ERCC6L: variants seen among roughly 807,000 people sequenced by gnomAD.
ERCC6L encodes the protein ERCC excision repair 6 like, spindle assembly checkpoint helicase.
A neutral mutation model predicts 20.1 loss-of-function variants in ERCC6L; 7 were observed. That is an observed-to-expected ratio of 0.35 (90% CI 0.20 to 0.65). The LOEUF (loss-of-function observed/expected upper bound fraction) is 0.65, where lower values mean the gene tolerates loss of function less well. ERCC6L is among the 30% of genes least tolerant of loss of function. ERCC6L has a pLI of 0.69. For synonymous variants in ERCC6L, 278 were observed against 331.3 expected, an observed-to-expected ratio of 0.84 and a Z score of 1.75; for missense variants, 592 against 892.4, an observed-to-expected ratio of 0.66 and a Z score of 4.29.
intron 1 of ERCC6L, among the ~76,000 whole-genome samples, chrX:72,213,757 C>T (rs183537953): frequency 1.8e-5 from 2 of 112,128 alleles, no homozygotes; most frequent in East Asian, 5.6e-4. Context: ...CTTCCATGAC[C>T]CACGGCTTCT....
chrX:72,222,527 A>C (rs1225294825), intron 1 of ERCC6L, among the ~76,000 whole-genome samples: 1 of 111,269 alleles, frequency 9.0e-6, no homozygotes. Flanking sequence ...CATGAACAAA[A>C]ATGCCCATAA....
At chrX:72,220,244 T>C (rs771791815) in intron 1 of ERCC6L, among the ~76,000 whole-genome samples, 2 of 110,981 alleles carry the variant, frequency 1.8e-5, no homozygotes, top group African/African-American at 6.5e-5. Context: ...GGACTAAAGA[T>C]AAAAAATGTA....
chrX:72,206,426 G>A lies in ERCC6L; in HGVS notation c.2341C>T (p.Pro781Ser), dbSNP rs373087197. 8.3e-7 allele frequency: 1 copy of A among 1,208,183 alleles called. No individual in the cohort carries two copies. Among genetic ancestry groups the A allele is most frequent in the African/African-American group, 1.8e-5 (1 of 56,967 alleles). The change falls in exon 2 of 2, where the codon CCC becomes TCC. Residue 781 changes from proline (P) to serine (S), a missense_variant. Pro to Ser is a moderately conservative substitution (Grantham distance 74, BLOSUM62 -1). This residue lies in a region of ERCC6L where 352 missense variants were observed against 402.6 expected (regional missense o/e 0.87). Coordinates refer to ENST00000334463, the MANE Select transcript of ERCC6L (RefSeq NM_017669.4). The stretch of plus-strand genomic sequence containing the variant: ...AGATCTTGTTTCTCACCCTCTTTGG[G>A]CAGATCATCAATGACTACACTTGCC... ...KMASVVIDDLPKEGEKQDLSS... is the reference protein window; with the variant it reads ...KMASVVIDDLSKEGEKQDLSS...
chrX:72,231,152 C>T (rs141813980), intron 1 of ERCC6L, among the ~76,000 whole-genome samples: 2,157 of 111,620 alleles, frequency 0.019, 26 homozygotes, highest in African/African-American at 0.053. Flanking sequence ...TTCATAGTAG[C>T]CAAGAAAAGG....
At chrX:72,229,308 T>C (rs1018792681) in intron 1 of ERCC6L, among the ~76,000 whole-genome samples, 1 of 111,826 alleles carries the variant, frequency 8.9e-6, no homozygotes, top group Non-Finnish European at 1.9e-5. Context: ...AAATGGAGCA[T>C]TTCCGCAACT....
At position 72,205,130 on chromosome X, in the gene ERCC6L, A is replaced by G; in HGVS notation, c.3637T>C (p.Cys1213Arg). The change falls in exon 2 of 2, where the codon TGT (cysteine) becomes CGT (arginine). Residue 1213 changes from cysteine to arginine, a missense_variant. Cys to Arg is a radical substitution (Grantham distance 180). This residue lies in a region of ERCC6L where 352 missense variants were observed against 402.6 expected (regional missense o/e 0.87). Transcript: ENST00000334463. ...LVKRGKELKECGKIQEALNCL... is the reference protein window; with the variant it reads ...LVKRGKELKERGKIQEALNCL... The stretch of plus-strand genomic sequence containing the variant: ...TTTAGGGCCTCCTGGATTTTTCCAC[A>G]CTCTTTTAGTTCTTTTCCACGCTTT... 2 of 1,210,914 alleles carry G rather than the reference A, an allele frequency of 1.7e-6. No individual in the cohort carries two copies. The highest frequency in any genetic ancestry group is 2.2e-6 in the Non-Finnish European group (2 of 895,236).
intron 1 of ERCC6L, among the ~76,000 whole-genome samples, chrX:72,209,146 T>C (rs2042838027): frequency 9.0e-6 from 1 of 111,459 alleles, no homozygotes; most frequent in Non-Finnish European, 1.9e-5. Context: ...ATAGATTCCT[T>C]CTGGTTTTCC....
At position 72,206,515 on chromosome X, in the gene ERCC6L, T is replaced by C; in HGVS notation, c.2252A>G (p.Gln751Arg). The change falls in exon 2 of 2, where the codon CAG becomes CGG. Residue 751 changes from glutamine (Q) to arginine (R), a missense_variant. Coordinates refer to ENST00000334463, the MANE Select transcript of ERCC6L (RefSeq NM_017669.4). ...ACTTAGAAGAGGTGAAGGCTGAGGCTGTGGTTTATTCAATTTAGGGCATTT... is the reference window on the plus strand; with the variant it reads ...ACTTAGAAGAGGTGAAGGCTGAGGCCGTGGTTTATTCAATTTAGGGCATTT... The part of the protein sequence containing the change: ...KKKCPKLNKP[Q>R]PQPSPLLSTH... 3 of 1,211,692 alleles carry C rather than the reference T, an allele frequency of 2.5e-6. No individual in the cohort carries two copies. The highest frequency in any genetic ancestry group is 3.3e-6 in the Non-Finnish European group (3 of 895,525).
chrX:72,215,671 T>G (rs2042883678), intron 1 of ERCC6L, among the ~76,000 whole-genome samples: 1 of 111,545 alleles, frequency 9.0e-6, no homozygotes, highest in African/African-American at 3.3e-5. Context: ...CATAACACGC[T>G]GCGATTTGGC....
rs4477150 is a variant in ERCC6L, at chrX:72,224,470, A to G, written c.68+14374T>C. Among the ~76,000 whole-genome samples, 819 of 111,419 alleles carry G rather than the reference A, an allele frequency of 7.4e-3. 9 individuals carry two copies. The highest frequency in any genetic ancestry group is 0.026 in the African/African-American group (783 of 30,624). ...TCCACATCAAATAGACTTAAAACCCAAATTCCTGGCTCACGCCTGTAATCA... is the reference window on the plus strand; with the variant it reads ...TCCACATCAAATAGACTTAAAACCCGAATTCCTGGCTCACGCCTGTAATCA... On this transcript the variant is annotated intron_variant, in intron 1 of 1. Coordinates refer to ENST00000334463, the MANE Select transcript of ERCC6L (RefSeq NM_017669.4).
intron 1 of ERCC6L, among the ~76,000 whole-genome samples, chrX:72,213,414 G>A (rs950562774): frequency 4.5e-5 from 5 of 111,644 alleles, no homozygotes; most frequent in Admixed American, 9.5e-5. Flanking sequence ...CATTCGAGCC[G>A]GGAGGGGCAA....
At position 72,206,795 on chromosome X, in the gene ERCC6L, C is replaced by T. The variant is rs771318389; in HGVS notation, c.1972G>A (p.Glu658Lys). 9.9e-6 allele frequency: 12 copies of T among 1,209,094 alleles called. No individual in the cohort carries two copies. Among genetic ancestry groups the T allele is most frequent in the African/African-American group, 3.5e-5 (2 of 57,190 alleles). The change falls in exon 2 of 2, where the codon GAA (glutamate) becomes AAA (lysine). Residue 658 changes from glutamate (E) to lysine (K), a missense_variant. Transcript: ENST00000334463. ...AQRKSDIKLD[E>K]HIAYLQSLGI... ...AAAGACTGCAGGTAGGCAATATGTT[C>T]ATCTAGTTTTATATCAGATTTCCTC...
intron 1 of ERCC6L, among the ~76,000 whole-genome samples, chrX:72,210,321 C>T (rs751633664): frequency 9.0e-6 from 1 of 110,673 alleles, no homozygotes; most frequent in Admixed American, 9.7e-5. Flanking sequence ...CAAACCAAAA[C>T]CACAAGGAGA....
Position 72,238,878 on chromosome X carries a change from C to T in ERCC6L, c.34G>A (p.Ala12Thr), listed in dbSNP as rs1377036783. 1.3e-5 allele frequency: 16 copies of T among 1,196,896 alleles called. No homozygotes were observed. Among genetic ancestry groups the T allele is most frequent in the Non-Finnish European group, 1.7e-5 (15 of 887,962 alleles). Reference sequence around the variant, plus strand: ...TGAGCAGCCTGCTCTGGGCTCAAGGCCTCGGCTTCCGGAAACCTTCGGGAT... The same window carrying T: ...TGAGCAGCCTGCTCTGGGCTCAAGGTCTCGGCTTCCGGAAACCTTCGGGAT... ...EASRRFPEAE[A>T]LSPEQAAHYL... is the part of the protein sequence containing the mutation. Residue 12 changes from alanine to threonine, a missense_variant, in exon 1 of 2, where the codon GCC becomes ACC. By Grantham distance (58) the Ala-to-Thr change is moderately conservative (BLOSUM62 0). Coordinates refer to ENST00000334463, the MANE Select transcript of ERCC6L (RefSeq NM_017669.4).
intron 1 of ERCC6L, among the ~76,000 whole-genome samples, chrX:72,233,883 G>A (rs1194854430): frequency 2.7e-5 from 3 of 109,527 alleles, no homozygotes; most frequent in African/African-American, 1.0e-4. Flanking sequence ...GGGAGGCTGA[G>A]GCAGGTGAAT....
At chrX:72,233,198 C>T (rs2042995645) in intron 1 of ERCC6L, among the ~76,000 whole-genome samples, 1 of 111,533 alleles carries the variant, frequency 9.0e-6, no homozygotes. Context: ...ACACAGCCTT[C>T]CCTATAAAGT....
intron 1 of ERCC6L, among the ~76,000 whole-genome samples, chrX:72,238,620 A>T (rs1253538703): frequency 8.9e-6 from 1 of 112,635 alleles, no homozygotes; most frequent in Non-Finnish European, 1.9e-5. Context: ...ACCATACTGG[A>T]GGGTCATTTG....
At position 72,205,424 on chromosome X, in the gene ERCC6L, C is replaced by A; in HGVS notation, c.3343G>T (p.Asp1115Tyr). The change falls in exon 2 of 2, where the codon GAC becomes TAC. Residue 1115 changes from aspartate (D) to tyrosine (Y), a missense_variant. Transcript: ENST00000334463. Reference sequence around the variant, plus strand: ...GGACCCTTTGCTTCACTGCTGTCGTCAAGTCTTTCCTCCATGTCCTCCACG... The same window carrying A: ...GGACCCTTTGCTTCACTGCTGTCGTAAAGTCTTTCCTCCATGTCCTCCACG... ...DHVEDMEERL[D>Y]DSSEAKGPED... 8.3e-7 allele frequency: 1 copy of A among 1,211,994 alleles called. No individual in the cohort carries two copies. Among genetic ancestry groups the A allele is most frequent in the Non-Finnish European group, 1.1e-6 (1 of 895,592 alleles).
At chrX:72,224,327 C>T (rs748420306) in intron 1 of ERCC6L, among the ~76,000 whole-genome samples, 4 of 111,554 alleles carry the variant, frequency 3.6e-5, no homozygotes, top group Admixed American at 9.5e-5. Context: ...CATTGTCCCA[C>T]TCCTTTACTA....
Sources: gnomAD v4.1 joint callset for allele counts (sites outside exome capture counted in the v4.1 genomes callset) on GRCh38, gnomAD v4.1.1 for gene constraint, gnomAD v4.1.1 regional missense constraint, MANE v1.5 for transcripts, NCBI Gene and HGNC (gene_info 2026-07-23, HGNC 2026-07-21) for gene names.